The following LURAP1L variants were observed in gnomAD, a reference collection of about 807,000 sequenced individuals.
LURAP1L encodes leucine rich adaptor protein 1-like.
Under a neutral mutation model 13.8 loss-of-function variants are expected in LURAP1L, and 12 were observed. That is an observed-to-expected ratio of 0.87 (90% CI 0.56 to 1.41). LURAP1L has a LOEUF of 1.41. Among genes scored for constraint, LURAP1L ranks in the 40% most tolerant of loss-of-function variants. LURAP1L has a pLI of 0.00. For synonymous variants in LURAP1L, 139 were observed against 119.2 expected (o/e 1.17, Z -1.08); for missense variants, 375 against 292.9 (o/e 1.28, Z -2.04).
intron 1 of LURAP1L, among the ~76,000 whole-genome samples, chr9:12,816,892 C>G (rs2118549425): frequency 6.6e-6 from 1 of 152,290 alleles, no homozygotes; most frequent in South Asian, 2.1e-4. Context: ...TTGGACCGAT[C>G]AGTCTAAACC....
At chr9:12,776,163 G>T in intron 1 of LURAP1L, 136 bp downstream of exon 1, 2 of 902,312 alleles carry the variant, frequency 2.2e-6, no homozygotes, top group South Asian at 3.1e-5. Flanking sequence ...ATGCTGGGTG[G>T]AGGAATGAGC....
chr9:12,788,624 A>C (rs888906989), intron 1 of LURAP1L, among the ~76,000 whole-genome samples: 1 of 152,078 alleles, frequency 6.6e-6, no homozygotes, highest in Admixed American at 6.6e-5. Context: ...GTAGCTATTA[A>C]AATTATGTTG....
At position 12,821,674 on chromosome 9, in the gene LURAP1L, C is replaced by G. The variant is rs369741446; in HGVS notation, c.601C>G (p.Gln201Glu). The G allele has an allele frequency of 1.2e-6, 2 of 1,614,162 alleles. No homozygotes were observed. The highest frequency in any genetic ancestry group is 1.7e-6 in the Non-Finnish European group (2 of 1,180,040). ...PGHQTPSDLDQFSDSSLIEDS... is the reference protein window; with the variant it reads ...PGHQTPSDLDEFSDSSLIEDS... ...CCATCAGACCCCTTCAGACTTGGAC[C>G]AATTCAGTGACAGCTCCCTCATAGA... Residue 201 changes from glutamine to glutamate, a missense_variant, in exon 2 of 2, where the codon CAA becomes GAA. By Grantham distance (29) the Gln-to-Glu change is conservative. Coordinates refer to ENST00000319264, the MANE Select transcript of LURAP1L (RefSeq NM_203403.2).
At chr9:12,780,451 G>A (rs552378261) in intron 1 of LURAP1L, among the ~76,000 whole-genome samples, 3 of 152,186 alleles carry the variant, frequency 2.0e-5, no homozygotes, top group East Asian at 1.9e-4. Context: ...CTTAAAAAGG[G>A]GCTAAACACT....
intron 1 of LURAP1L, among the ~76,000 whole-genome samples, chr9:12,804,576 G>C (rs184192676): frequency 6.6e-6 from 1 of 152,124 alleles, no homozygotes; most frequent in East Asian, 1.9e-4. Flanking sequence ...TTCCTGACCT[G>C]AGGTGATCCG....
At chr9:12,806,649 TATAA>T (rs1554658904) in intron 1 of LURAP1L, among the ~76,000 whole-genome samples, 2 of 152,190 alleles carry the variant, frequency 1.3e-5, no homozygotes, top group Non-Finnish European at 2.9e-5. Context: ...TTTAGAAGTC[TATAA>T]ATATTCTCAA....
chr9:12,777,133 A>G lies in LURAP1L; in HGVS notation c.312+1106A>G, dbSNP rs1819198431. ...TATCACTCCGACAGGAATGCTGGAA[A>G]TTATTTCTATCATTCTATCGTTTAG... On this transcript the variant is annotated intron_variant, in intron 1 of 1. Coordinates refer to ENST00000319264, the MANE Select transcript of LURAP1L (RefSeq NM_203403.2). 4.6e-6 allele frequency: 3 copies of G among 652,800 alleles called. No individual in the cohort carries two copies. The South Asian group carries it at 2.1e-4, about 45-fold the overall frequency. 40.4% of individuals were successfully genotyped at this position (652,800 alleles called of 1,614,324 possible). A position where few individuals can be genotyped will look rare whatever the true frequency, so the allele number is the denominator to read the frequency against.
rs536994642 is a variant in LURAP1L, at chr9:12,806,847, T to C, written c.313-14539T>C. Among the ~76,000 whole-genome samples the C allele has an allele frequency of 2.0e-5, 3 of 151,748 alleles. No individual in the cohort carries two copies. In the South Asian group the frequency reaches 6.2e-4, roughly 31 times the overall value. On this transcript the variant is annotated intron_variant, in intron 1 of 1. Transcript: ENST00000319264. ...TACCAGGGTCTAGGAGAATGTCATG[T>C]ACATACAGTCTCTCAATAACTGTTA...
chr9:12,805,533 A>C (rs534084628), intron 1 of LURAP1L, among the ~76,000 whole-genome samples: 1 of 152,310 alleles, frequency 6.6e-6, no homozygotes, highest in African/African-American at 2.4e-5. Flanking sequence ...TCTCCTTTTC[A>C]GTGAAAAATG....
chr9:12,780,377 A>C (rs532576679), intron 1 of LURAP1L, among the ~76,000 whole-genome samples: 7 of 12,572 alleles, frequency 5.6e-4, no homozygotes, highest in African/African-American at 1.9e-3. Context: ...AAGGAAAAAA[A>C]ACAAGGTTAT....
At chr9:12,778,485 G>A (rs1024293208) in intron 1 of LURAP1L, among the ~76,000 whole-genome samples, 3 of 152,136 alleles carry the variant, frequency 2.0e-5, no homozygotes, top group African/African-American at 7.2e-5. Context: ...AAACAGTAAG[G>A]ATGCTGGCAG....
chr9:12,778,818 T>G (rs1283337592), intron 1 of LURAP1L, among the ~76,000 whole-genome samples: 1 of 152,256 alleles, frequency 6.6e-6, no homozygotes, highest in African/African-American at 2.4e-5. Flanking sequence ...TTGTAGAGCC[T>G]AATGTCAGGT....
intron 1 of LURAP1L, among the ~76,000 whole-genome samples, chr9:12,789,868 T>G (rs17284324): frequency 0.028 from 4,191 of 152,270 alleles, 75 homozygotes; most frequent in Non-Finnish European, 0.043. Flanking sequence ...GATAAAGCCC[T>G]TTTTAGGATT....
At chr9:12,791,472 T>C (rs1287982491) in intron 1 of LURAP1L, among the ~76,000 whole-genome samples, 1 of 152,068 alleles carries the variant, frequency 6.6e-6, no homozygotes, top group Non-Finnish European at 1.5e-5. Flanking sequence ...ATTTATATCA[T>C]CCAGAGGAGG....
chr9:12,796,137 C>T (rs1819508900), intron 1 of LURAP1L, among the ~76,000 whole-genome samples: 2 of 151,782 alleles, frequency 1.3e-5, no homozygotes, highest in Admixed American at 6.6e-5. Flanking sequence ...TTTTAATCAT[C>T]CAAATAACAT....
intron 1 of LURAP1L, among the ~76,000 whole-genome samples, chr9:12,810,629 G>C (rs1299802717): frequency 2.0e-5 from 3 of 151,962 alleles, no homozygotes; most frequent in African/African-American, 4.8e-5. Flanking sequence ...CTAAGTACAG[G>C]GTACATAGGA....
At chr9:12,781,504 G>A (rs1377987584) in intron 1 of LURAP1L, among the ~76,000 whole-genome samples, 1 of 152,076 alleles carries the variant, frequency 6.6e-6, no homozygotes, top group Non-Finnish European at 1.5e-5. Flanking sequence ...GTGAGACCAC[G>A]CCAAGTTTGT....
chr9:12,787,135 A>G (rs1461736409), intron 1 of LURAP1L, among the ~76,000 whole-genome samples: 1 of 152,182 alleles, frequency 6.6e-6, no homozygotes, highest in African/African-American at 2.4e-5. Context: ...AAAGTTCTTC[A>G]CATTCCTCTT....
At chr9:12,786,574 A>G (rs111277096) in intron 1 of LURAP1L, among the ~76,000 whole-genome samples, 4,778 of 128,766 alleles carry the variant, frequency 0.037, 193 homozygotes, top group Middle Eastern at 0.14. Context: ...ATATATATAT[A>G]TATATATAAA....
Sources: gnomAD v4.1 joint callset for allele counts (sites outside exome capture counted in the v4.1 genomes callset) on GRCh38, gnomAD v4.1.1 for gene constraint, MANE v1.5 for transcripts, NCBI Gene and HGNC (gene_info 2026-07-23, HGNC 2026-07-21) for gene names.